Variants in CHD2 observed in about 807,000 individuals in gnomAD.
CHD2 encodes the protein ATP-dependent chromatin remodeler CHD2.
CHD2 carries 28 observed loss-of-function variants against 243.9 expected under a neutral mutation model. The ratio of observed to expected loss-of-function variants is 0.11; its 90% CI spans 0.09 to 0.16. CHD2 has a LOEUF of 0.16. Among genes scored for constraint, CHD2 ranks in the 10% least tolerant of loss-of-function variants. The probability of loss-of-function intolerance (pLI) is 1.00; values close to 1 mark genes in which losing one functional copy is unlikely to be tolerated. For missense variants in CHD2, 1,386 were observed against 2,209.8 expected, an observed-to-expected ratio of 0.63 and a Z score of 7.47; for synonymous variants, 775 against 779.0, an observed-to-expected ratio of 0.99 and a Z score of 0.09.
chr15:93,013,831 A>C (rs1216824763), intron 36 of CHD2, among the ~76,000 whole-genome samples: 2 of 143,376 alleles, frequency 1.4e-5, no homozygotes, highest in African/African-American at 5.1e-5. Context: ...GCCCCTCAGG[A>C]GGCTGAAGTG....
At chr15:93,020,597 G>T (rs1039581467) in intron 38 of CHD2, 4 of 502,960 alleles carry the variant, frequency 8.0e-6, no homozygotes, top group African/African-American at 7.7e-5. Context: ...CCCGAGATGG[G>T]TACCAGCCCA....
At chr15:92,950,836 A>G (rs143299164) in intron 13 of CHD2, among the ~76,000 whole-genome samples, 32 of 152,222 alleles carry the variant, frequency 2.1e-4, no homozygotes, top group African/African-American at 7.2e-4. Context: ...ATGCATTTAC[A>G]GTGACTTTTT....
chr15:92,932,898 G>A (rs1367750741), intron 5 of CHD2, among the ~76,000 whole-genome samples: 1 of 151,888 alleles, frequency 6.6e-6, no homozygotes, highest in Non-Finnish European at 1.5e-5. Context: ...ATGCGCCACT[G>A]TGCCCAGCTG....
chr15:92,931,683 A>G (rs1046029020), intron 5 of CHD2, among the ~76,000 whole-genome samples: 3 of 152,122 alleles, frequency 2.0e-5, no homozygotes, highest in Non-Finnish European at 2.9e-5. Context: ...GCCTGTGTAT[A>G]TTTATATATA....
Position 93,024,561 on chromosome 15 carries a change from C to A in CHD2, c.5343C>A (p.His1781Gln). The change falls in exon 39 of 39, where the codon CAC becomes CAA. Residue 1781 changes from histidine to glutamine, a missense_variant. Physicochemically the swap from His to Gln is conservative, Grantham distance 24. Transcript: ENST00000394196. ...GEYKQPLPPL[H>Q]PAVSDPRSPP... ...ATAAACAGCCTCTACCCCCATTGCA[C>A]CCTGCAGTCTCAGATCCTCGCTCAC... 6.2e-7 allele frequency: 1 copy of A among 1,614,214 alleles called. No homozygotes were observed. Among genetic ancestry groups the A allele is most frequent in the African/African-American group, 1.3e-5 (1 of 75,046 alleles).
rs1387277476 is a variant in CHD2 at position 93,009,303 on chromosome 15, G to A, written c.4572G>A (p.Glu1524=). The A allele has an allele frequency of 1.2e-6, 2 of 1,614,174 alleles. No homozygotes were observed. The highest frequency in any genetic ancestry group is 8.5e-7 in the Non-Finnish European group (1 of 1,180,010). Residue 1524 remains glutamate (E), a synonymous_variant, in exon 35 of 39, where the codon GAG becomes GAA. Transcript: ENST00000394196. ...AECLKAYSDQ[E]HIKLWRRNLW... ...GCCTTAAAGCCTACTCAGATCAGGA[G>A]CACATCAAACTCTGGAGGAGGTAAC...
intron 7 of CHD2, 126 bp from the exon 8 acceptor site, chr15:92,941,695 CA>C (rs2053385337): frequency 1.1e-6 from 1 of 904,106 alleles, no homozygotes; most frequent in Non-Finnish European, 1.7e-6. Flanking sequence ...CTGTAAATGG[CA>C]GATCTATAAA....
chr15:93,016,138 A>G (rs2141889942), intron 37 of CHD2, among the ~76,000 whole-genome samples: 1 of 152,354 alleles, frequency 6.6e-6, no homozygotes, highest in Non-Finnish European at 1.5e-5. Context: ...TGGATAAAGA[A>G]AATGTGTATA....
At chr15:92,982,348 A>G (rs2053990449) in intron 24 of CHD2, among the ~76,000 whole-genome samples, 1 of 152,232 alleles carries the variant, frequency 6.6e-6, no homozygotes, top group African/African-American at 2.4e-5. Context: ...TGGGACAGCC[A>G]TGGATGAGGC....
intron 18 of CHD2, 44 bp from the exon 19 acceptor site, chr15:92,972,221 T>A: frequency 6.3e-7 from 1 of 1,580,860 alleles, no homozygotes; most frequent in Non-Finnish European, 8.6e-7. Context: ...AAGATTAAAA[T>A]TTGTGTTTCA....
At chr15:93,000,162 A>G (rs1337578784) in intron 31 of CHD2, among the ~76,000 whole-genome samples, 2 of 152,084 alleles carry the variant, frequency 1.3e-5, no homozygotes, top group African/African-American at 4.8e-5. Context: ...GCTACTCGAG[A>G]GGCTGAGGCA....
chr15:92,999,718 T>C (rs1354524798), intron 31 of CHD2, among the ~76,000 whole-genome samples: 1 of 152,216 alleles, frequency 6.6e-6, no homozygotes, highest in East Asian at 1.9e-4. Flanking sequence ...TGCAATATAT[T>C]ATGTGTTAGG....
chr15:92,991,060 AT>A (rs897512769), intron 26 of CHD2, among the ~76,000 whole-genome samples: 7 of 152,212 alleles, frequency 4.6e-5, no homozygotes, highest in African/African-American at 1.7e-4. Context: ...AAAATATGGT[AT>A]TGAAGGTAAC....
intron 34 of CHD2, 75 bp downstream of exon 34, chr15:93,004,826 GC>G: frequency 6.7e-7 from 1 of 1,489,524 alleles, no homozygotes; most frequent in Non-Finnish European, 9.1e-7. Context: ...TATAGGTCCA[GC>G]CAGAGCTTCA....
At chr15:92,912,070 C>T (rs1325373900) in intron 2 of CHD2, among the ~76,000 whole-genome samples, 2 of 152,180 alleles carry the variant, frequency 1.3e-5, no homozygotes, top group Non-Finnish European at 2.9e-5. Flanking sequence ...CACCTTTGTG[C>T]AGTTTGTCGT....
In CHD2 at chr15:93,027,090, TC is replaced by T. The variant is rs2054592507; in HGVS notation, c.*2389del. On this transcript the variant is annotated 3_prime_UTR_variant, in exon 39 of 39. Transcript: ENST00000394196. ...TTACATTGATTCTAAAATTACAGTG[TC>T]CCCATTAGACAACTATTTTAGGTGC... 1 of 152,642 alleles carries T rather than the reference TC, an allele frequency of 6.6e-6. No individual in the cohort carries two copies. Among genetic ancestry groups the T allele is most frequent in the South Asian group, 2.1e-4 (1 of 4,834 alleles). The allele number at this position is 152,642 out of a possible 1,614,324, so 9.5% of individuals were successfully genotyped here.
chr15:92,926,505 TTAGTAG>T (rs944336368), intron 3 of CHD2, among the ~76,000 whole-genome samples: 1 of 152,234 alleles, frequency 6.6e-6, no homozygotes, highest in Non-Finnish European at 1.5e-5. Context: ...CAGAATATAC[TTAGTAG>T]TAGTTATCTC....
intron 2 of CHD2, chr15:92,904,427 C>T: frequency 1.0e-6 from 1 of 985,618 alleles, no homozygotes; most frequent in Non-Finnish European, 1.2e-6. Context: ...AACGCAGTGA[C>T]GTCTGGCCGC....
intron 6 of CHD2, among the ~76,000 whole-genome samples, chr15:92,939,337 C>T (rs572434290): frequency 3.0e-4 from 45 of 152,264 alleles, no homozygotes; most frequent in African/African-American, 1.0e-3. Flanking sequence ...GAAACATTCA[C>T]GTTCTTTCCC....
Sources: gnomAD v4.1 joint callset for allele counts (sites outside exome capture counted in the v4.1 genomes callset) on GRCh38, gnomAD v4.1.1 for gene constraint, MANE v1.5 for transcripts, NCBI Gene and HGNC (gene_info 2026-07-23, HGNC 2026-07-21) for gene names.